The following KLK11 variants were observed in gnomAD, a reference collection of about 807,000 sequenced individuals.
KLK11 encodes kallikrein-11.
A neutral mutation model predicts 23.4 loss-of-function variants in KLK11; 10 were observed. That is an observed-to-expected ratio of 0.43 (90% CI 0.26 to 0.73). The LOEUF (loss-of-function observed/expected upper bound fraction) is 0.73, where lower values mean the gene tolerates loss of function less well. Among genes scored for constraint, KLK11 ranks in the 30% least tolerant of loss-of-function variants. The probability of loss-of-function intolerance (pLI) is 0.22; values close to 1 mark genes in which losing one functional copy is unlikely to be tolerated. For missense variants in KLK11, 285 were observed against 327.8 expected, an observed-to-expected ratio of 0.87 and a Z score of 1.01; for synonymous variants, 131 against 131.7, an observed-to-expected ratio of 0.99 and a Z score of 0.03.
rs1446140515 is a variant in KLK11, at chr19:51,025,273, A to G, written c.40+319T>C. Among the ~76,000 whole-genome samples, 4 of 97,054 alleles carry G rather than the reference A, an allele frequency of 4.1e-5. No individual in the cohort carries two copies. The highest frequency in any genetic ancestry group is 9.8e-5 in the Admixed American group (1 of 10,254). The allele number at this position is 97,054 out of a possible 152,430, so 63.7% of individuals were successfully genotyped here. A position where few individuals can be genotyped will look rare whatever the true frequency, so the allele number is the denominator to read the frequency against. On this transcript the variant is annotated intron_variant, in intron 2 of 5. Transcript: ENST00000453757. The surrounding 1 kb of genome is among the most constrained non-coding windows in gnomAD (Gnocchi z 6.2). ...AATAGAGCAAGACTTTGTCTCTGGG[A>G]AAAAAAAAAAAGGAAATACTTCCAT...
chr19:51,024,337 G>A lies in KLK11; in HGVS notation c.198-27C>T. On this transcript the variant is annotated intron_variant, in intron 3 of 5. Transcript: ENST00000453757. The surrounding 1 kb of genome is among the most constrained non-coding windows in gnomAD (Gnocchi z 6.2). ...TGAGGTGGGAGAGACAGTAGTTGGA[G>A]GAGGAAAGGTCGGGGGAGACATGGG... The A allele has an allele frequency of 6.2e-7, 1 of 1,608,578 alleles. No individual in the cohort carries two copies. Among genetic ancestry groups the A allele is most frequent in the South Asian group, 1.1e-5 (1 of 90,948 alleles).
In KLK11 at chr19:51,025,393, C is replaced by T. The variant is rs1022757311; in HGVS notation, c.40+199G>A. Among the ~76,000 whole-genome samples the T allele has an allele frequency of 7.2e-5, 11 of 152,200 alleles. No individual in the cohort carries two copies. The highest frequency in any genetic ancestry group is 1.2e-4 in the Non-Finnish European group (8 of 68,034). ...CCCTCCACGGGACCCTTTACGACCCCCTTGACCTCTCCTCCTTTGGCATTT... is the reference window on the plus strand; with the variant it reads ...CCCTCCACGGGACCCTTTACGACCCTCTTGACCTCTCCTCCTTTGGCATTT... On this transcript the variant is annotated intron_variant, in intron 2 of 5. Coordinates refer to ENST00000453757, the MANE Select transcript of KLK11 (RefSeq NM_001136032.3). The surrounding 1 kb of genome is among the most constrained non-coding windows in gnomAD (Gnocchi z 6.2).
intron 1 of KLK11, among the ~76,000 whole-genome samples, chr19:51,026,148 G>A (rs1217983168): frequency 6.6e-6 from 1 of 152,078 alleles, no homozygotes; most frequent in African/African-American, 2.4e-5. Flanking sequence ...GTCTGCTGGA[G>A]GGGAGTAGGG....
rs1373035207 is a variant in KLK11, at chr19:51,024,721, G to C, written c.114C>G (p.Ala38=). The C allele has an allele frequency of 6.2e-7, 1 of 1,602,190 alleles. No individual in the cohort carries two copies. Among genetic ancestry groups the C allele is most frequent in the Admixed American group, 1.8e-5 (1 of 56,078 alleles). ...CKPHSQPWQA[A]LFEKTRLLCG... is the part of the protein sequence containing the mutation. ...AGAGTAGCCGCGTCTTCTCGAACAGGGCTGCCTGCCAGGGCTGGGAGTGAG... is the reference window on the plus strand; with the variant it reads ...AGAGTAGCCGCGTCTTCTCGAACAGCGCTGCCTGCCAGGGCTGGGAGTGAG... The change falls in exon 3 of 6, where the codon GCC becomes GCG. Residue 38 remains alanine (A), a synonymous_variant. Coordinates refer to ENST00000453757, the MANE Select transcript of KLK11 (RefSeq NM_001136032.3). The surrounding 1 kb of genome is among the most constrained non-coding windows in gnomAD (Gnocchi z 6.2).
rs774406366 is a variant in KLK11, at chr19:51,025,695, A to T, written c.-35-29T>A. The T allele has an allele frequency of 3.2e-6, 4 of 1,261,796 alleles. No homozygotes were observed. Among genetic ancestry groups the T allele is most frequent in the Non-Finnish European group, 4.4e-6 (4 of 909,150 alleles). 78.2% of individuals were successfully genotyped at this position (1,261,796 alleles called of 1,614,324 possible). A position where few individuals can be genotyped will look rare whatever the true frequency, so the allele number is the denominator to read the frequency against. On this transcript the variant is annotated intron_variant, in intron 1 of 5. Transcript: ENST00000453757. The surrounding 1 kb of genome is among the most constrained non-coding windows in gnomAD (Gnocchi z 6.2). ...GGAACAAGGAGGGACATGGGGCCGC[A>T]TCACTTTACGGGGAAATCGGGAGGG...
At chr19:51,026,714 C>T (rs781642377), upstream of KLK11, 13 of 585,074 alleles carry the variant, frequency 2.2e-5, no homozygotes, top group South Asian at 7.6e-5. Flanking sequence ...CTTAATGCCC[C>T]GGGGCGGGGT....
At chr19:51,026,502 C>T (rs1449208451) in intron 1 of KLK11, 36 bp downstream of exon 1, 10 of 933,810 alleles carry the variant, frequency 1.1e-5, no homozygotes, top group East Asian at 1.2e-4. Flanking sequence ...GACACCTGGA[C>T]GGGGAGGGGC....
Position 51,024,437 on chromosome 19 carries a change from A to G in KLK11, c.198-127T>C, listed in dbSNP as rs894399011. The G allele has an allele frequency of 4.8e-6, 7 of 1,450,344 alleles. No homozygotes were observed. In the African/African-American group the frequency reaches 9.8e-5, roughly 20 times the overall value. The allele number at this position is 1,450,344 out of a possible 1,614,324, so 89.8% of individuals were successfully genotyped here. A position where few individuals can be genotyped will look rare whatever the true frequency, so the allele number is the denominator to read the frequency against. On this transcript the variant is annotated intron_variant, in intron 3 of 5. Coordinates refer to ENST00000453757, the MANE Select transcript of KLK11 (RefSeq NM_001136032.3). This position sits in a 1 kb window ranked among gnomAD's most constrained non-coding sequence, Gnocchi z 6.2. Reference sequence around the variant, plus strand: ...CCAACCTCTTCCACGTCTCCCACCGAAGCCCCCTTCCCAGCCATAGCCCCA... The same window carrying G: ...CCAACCTCTTCCACGTCTCCCACCGGAGCCCCCTTCCCAGCCATAGCCCCA...
rs1313178046 is a variant in KLK11 at position 51,024,333 on chromosome 19, T to TGGAGGAGGAAAGGTC, written c.198-38_198-24dup. ...CGGCTGAGGTGGGAGAGACAGTAGT[T>TGGAGGAGGAAAGGTC]GGAGGAGGAAAGGTCGGGGGAGACA... On this transcript the variant is annotated intron_variant, in intron 3 of 5. Coordinates refer to ENST00000453757, the MANE Select transcript of KLK11 (RefSeq NM_001136032.3). This position sits in a 1 kb window ranked among gnomAD's most constrained non-coding sequence, Gnocchi z 6.2. The TGGAGGAGGAAAGGTC allele has an allele frequency of 1.2e-6, 2 of 1,610,046 alleles. No homozygotes were observed. Among genetic ancestry groups the TGGAGGAGGAAAGGTC allele is most frequent in the Non-Finnish European group, 1.7e-6 (2 of 1,178,676 alleles).
Position 51,024,626 on chromosome 19 carries a change from C to G in KLK11, c.197+12G>C, listed in dbSNP as rs1307741674. The stretch of plus-strand genomic sequence containing the variant: ...CCCCCCACCCCGGCACCGCCCCAGC[C>G]CCCGCACCCACGGCTTGAGGCAGTG... On this transcript the variant is annotated intron_variant, in intron 3 of 5. Transcript: ENST00000453757. The surrounding 1 kb of genome is among the most constrained non-coding windows in gnomAD (Gnocchi z 6.2). 1.3e-6 allele frequency: 2 copies of G among 1,529,416 alleles called. No individual in the cohort carries two copies. Among genetic ancestry groups the G allele is most frequent in the East Asian group, 2.4e-5 (1 of 40,972 alleles). 94.7% of individuals were successfully genotyped at this position (1,529,416 alleles called of 1,614,324 possible).
intron 5 of KLK11, 56 bp from the exon 6 acceptor site, chr19:51,022,753 C>T: frequency 6.2e-7 from 1 of 1,600,764 alleles, no homozygotes; most frequent in Non-Finnish European, 8.5e-7. Context: ...TGGTGTTAGC[C>T]AGGGAGGAGG....
At chr19:51,027,656 C>G (rs1407711784), upstream of KLK11, 4 of 912,734 alleles carry the variant, frequency 4.4e-6, no homozygotes, top group Admixed American at 4.4e-5. Context: ...TGACAGCAGC[C>G]AGCCCTGGCC....
Position 51,024,392 on chromosome 19 carries a change from G to A in KLK11, c.198-82C>T, listed in dbSNP as rs774977501. On this transcript the variant is annotated intron_variant, in intron 3 of 5. Transcript: ENST00000453757. The surrounding 1 kb of genome is among the most constrained non-coding windows in gnomAD (Gnocchi z 6.2). The stretch of plus-strand genomic sequence containing the variant: ...AGAGGTGAGTGACACCTTTGAGGAT[G>A]AAGAAACATCGCTCTGCTTCCAACC... 71 of 1,564,430 alleles carry A rather than the reference G, an allele frequency of 4.5e-5. No homozygotes were observed. Among genetic ancestry groups the A allele is most frequent in the Non-Finnish European group, 5.8e-5 (67 of 1,155,372 alleles).
upstream of KLK11, chr19:51,026,686 CT>C: frequency 1.2e-6 from 1 of 807,772 alleles, no homozygotes; most frequent in Non-Finnish European, 1.5e-6. Flanking sequence ...CCCAGGATGA[CT>C]GGCCTCCAAG....
At position 51,024,021 on chromosome 19, in the gene KLK11, C is replaced by T. The variant is rs1283530059; in HGVS notation, c.463+24G>A. ...CCACTCCCTCCTCACCACCCCCTGC[C>T]AGGTTCCCCTCTGGTGCTCCTACAC... is the stretch of plus-strand genomic sequence containing the variant. On this transcript the variant is annotated intron_variant, in intron 4 of 5. Coordinates refer to ENST00000453757, the MANE Select transcript of KLK11 (RefSeq NM_001136032.3). This position sits in a 1 kb window ranked among gnomAD's most constrained non-coding sequence, Gnocchi z 6.2. 4 of 1,493,602 alleles carry T rather than the reference C, an allele frequency of 2.7e-6. No homozygotes were observed. The highest frequency in any genetic ancestry group is 2.8e-5 in the African/African-American group (2 of 72,128). The allele number at this position is 1,493,602 out of a possible 1,614,324, so 92.5% of individuals were successfully genotyped here. A position where few individuals can be genotyped will look rare whatever the true frequency, so the allele number is the denominator to read the frequency against.
chr19:51,026,626 G>C, upstream of KLK11: 1 of 986,972 alleles, frequency 1.0e-6, no homozygotes, highest in Non-Finnish European at 1.2e-6. Flanking sequence ...TGGAGCGCCA[G>C]GTGCCAGGCA....
Position 51,024,492 on chromosome 19 carries a change from A to G in KLK11, c.197+146T>C. On this transcript the variant is annotated intron_variant, in intron 3 of 5. Transcript: ENST00000453757. This position sits in a 1 kb window ranked among gnomAD's most constrained non-coding sequence, Gnocchi z 6.2. ...AACCCCATTCATCCCCCCACCTTCA[A>G]TACCAACTCGAGCCCATCAACCTTG... The G allele has an allele frequency of 2.4e-6, 3 of 1,251,846 alleles. No homozygotes were observed. Among genetic ancestry groups the G allele is most frequent in the Non-Finnish European group, 3.2e-6 (3 of 925,484 alleles). 77.5% of individuals were successfully genotyped at this position (1,251,846 alleles called of 1,614,324 possible).
chr19:51,024,870 T>A lies in KLK11; in HGVS notation c.41-76A>T, dbSNP rs1600154158. On this transcript the variant is annotated intron_variant, in intron 2 of 5. Coordinates refer to ENST00000453757, the MANE Select transcript of KLK11 (RefSeq NM_001136032.3). The surrounding 1 kb of genome is among the most constrained non-coding windows in gnomAD (Gnocchi z 6.2). ...CCAGGAGGACTCCCAGAAATGGGGG[T>A]GGGGAGGAGAGAAAGAGAGTGGGTG... is the stretch of plus-strand genomic sequence containing the variant. 7.2e-7 allele frequency: 1 copy of A among 1,381,948 alleles called. No individual in the cohort carries two copies. The highest frequency in any genetic ancestry group is 2.8e-5 in the East Asian group (1 of 35,998). The allele number at this position is 1,381,948 out of a possible 1,614,324, so 85.6% of individuals were successfully genotyped here. A position where few individuals can be genotyped will look rare whatever the true frequency, so the allele number is the denominator to read the frequency against.
In KLK11 at chr19:51,024,001, C is replaced by T. The variant is rs143774057; in HGVS notation, c.463+44G>A. The T allele has an allele frequency of 1.4e-6, 2 of 1,436,486 alleles. No homozygotes were observed. The highest frequency in any genetic ancestry group is 2.9e-5 in the South Asian group (2 of 69,664). The allele number at this position is 1,436,486 out of a possible 1,614,324, so 89.0% of individuals were successfully genotyped here. A position where few individuals can be genotyped will look rare whatever the true frequency, so the allele number is the denominator to read the frequency against. On this transcript the variant is annotated intron_variant, in intron 4 of 5. Coordinates refer to ENST00000453757, the MANE Select transcript of KLK11 (RefSeq NM_001136032.3). This position sits in a 1 kb window ranked among gnomAD's most constrained non-coding sequence, Gnocchi z 6.2. ...GAACCCTTCCACAATCCTGACCACT[C>T]CCTCCTCACCACCCCCTGCCAGGTT...
Sources: allele counts gnomAD v4.1 joint callset (sites outside exome capture counted in the v4.1 genomes callset), GRCh38; gene constraint gnomAD v4.1.1; non-coding constraint Gnocchi (gnomAD v3.1); transcripts MANE v1.5; gene names NCBI Gene and HGNC (gene_info 2026-07-23, HGNC 2026-07-21).